Variants in CDC25C observed in about 807,000 individuals in gnomAD.
CDC25C encodes M-phase inducer phosphatase 3.
Under a neutral mutation model 52.5 loss-of-function variants are expected in CDC25C, and 48 were observed. The ratio of observed to expected loss-of-function variants is 0.91; its 90% CI spans 0.72 to 1.16. The LOEUF is 1.16. Ranked by LOEUF, CDC25C falls within the 50% of genes most tolerant of loss-of-function variation. The probability of loss-of-function intolerance (pLI) is 0.00; values close to 1 mark genes in which losing one functional copy is unlikely to be tolerated. For synonymous variants in CDC25C, 187 were observed against 206.5 expected (o/e 0.91, Z 0.81); for missense variants, 510 against 566.1 (o/e 0.90, Z 1.01).
chr5:138,314,199 G>A (rs1758691346), intron 7 of CDC25C, among the ~76,000 whole-genome samples: 2 of 151,570 alleles, frequency 1.3e-5, no homozygotes, highest in Admixed American at 6.6e-5. Flanking sequence ...GCTTCAACAT[G>A]TTGGTCAGGC....
chr5:138,305,818 T>C (rs991440748), intron 7 of CDC25C, among the ~76,000 whole-genome samples: 8 of 152,200 alleles, frequency 5.3e-5, no homozygotes, highest in Non-Finnish European at 1.0e-4. Flanking sequence ...AGGTGGCCAA[T>C]GGGAGACAGA....
intron 1 of CDC25C, chr5:138,337,950 G>A: frequency 7.8e-7 from 1 of 1,289,178 alleles, no homozygotes; most frequent in Non-Finnish European, 1.0e-6. Flanking sequence ...CGATGCCTTT[G>A]TTTACCTTCT....
chr5:138,309,761 G>A (rs1170754502), intron 7 of CDC25C, among the ~76,000 whole-genome samples: 1 of 144,402 alleles, frequency 6.9e-6, no homozygotes, highest in African/African-American at 2.5e-5. Context: ...TGTCACCCAG[G>A]CTGGAGTGCA....
Position 138,329,539 on chromosome 5 carries a change from T to G in CDC25C, c.289+14A>C. ...TATTCTTCCCTTTGAGGCCTTTATCTCCCTTCTCCCTACCAGTTTCATCAA... is the reference window on the plus strand; with the variant it reads ...TATTCTTCCCTTTGAGGCCTTTATCGCCCTTCTCCCTACCAGTTTCATCAA... On this transcript the variant is annotated intron_variant, in intron 3 of 13. Coordinates refer to ENST00000323760, the MANE Select transcript of CDC25C (RefSeq NM_001790.5). The G allele has an allele frequency of 6.6e-7, 1 of 1,522,934 alleles. No individual in the cohort carries two copies. The highest frequency in any genetic ancestry group is 9.1e-7 in the Non-Finnish European group (1 of 1,099,150). 94.3% of individuals were successfully genotyped at this position (1,522,934 alleles called of 1,614,324 possible). A position where few individuals can be genotyped will look rare whatever the true frequency, so the allele number is the denominator to read the frequency against.
intron 7 of CDC25C, among the ~76,000 whole-genome samples, chr5:138,315,372 T>C (rs529271592): frequency 4.3e-4 from 66 of 152,340 alleles, no homozygotes; most frequent in African/African-American, 1.5e-3. Flanking sequence ...TTCAGTACTG[T>C]CTGCAATTTT....
chr5:138,301,935 C>G (rs1449051439), intron 7 of CDC25C, among the ~76,000 whole-genome samples: 1 of 151,964 alleles, frequency 6.6e-6, no homozygotes, highest in East Asian at 1.9e-4. Context: ...AGCTCCTGAC[C>G]TCAGGTGATC....
rs757062901 is a variant in CDC25C at position 138,331,776 on chromosome 5, GGC to G, written c.-222_-221del. 103 of 961,636 alleles carry G rather than the reference GGC, an allele frequency of 1.1e-4. No individual in the cohort carries two copies. The highest frequency in any genetic ancestry group is 7.4e-4 in the Admixed American group (12 of 16,324). The allele number at this position is 961,636 out of a possible 1,614,324, so 59.6% of individuals were successfully genotyped here. A position where few individuals can be genotyped will look rare whatever the true frequency, so the allele number is the denominator to read the frequency against. ...GACTCAGAGTCTTCCCTGAGCAGAA[GGC>G]CAAAGTTACGGCCTCTGAGCAAGAA... is the stretch of plus-strand genomic sequence containing the variant. On this transcript the variant is annotated 5_prime_UTR_variant, in exon 1 of 14. Coordinates refer to ENST00000323760, the MANE Select transcript of CDC25C (RefSeq NM_001790.5).
At chr5:138,321,581 G>A (rs1387690677) in intron 6 of CDC25C, among the ~76,000 whole-genome samples, 2 of 151,494 alleles carry the variant, frequency 1.3e-5, no homozygotes, top group Non-Finnish European at 2.9e-5. Flanking sequence ...GTGAAACCCC[G>A]TCTCTACTAA....
intron 7 of CDC25C, among the ~76,000 whole-genome samples, chr5:138,313,001 T>C (rs911393448): frequency 1.3e-5 from 2 of 151,440 alleles, no homozygotes; most frequent in Non-Finnish European, 2.9e-5. Context: ...AGCAAACTCA[T>C]AGAGGGCAGA....
At chr5:138,303,526 A>G (rs1757784946) in intron 7 of CDC25C, among the ~76,000 whole-genome samples, 1 of 152,060 alleles carries the variant, frequency 6.6e-6, no homozygotes, top group South Asian at 2.1e-4. Context: ...GCTGTCCCAT[A>G]AACACGCCAA....
At chr5:138,311,177 A>G (rs1421606523) in intron 7 of CDC25C, among the ~76,000 whole-genome samples, 2 of 152,334 alleles carry the variant, frequency 1.3e-5, no homozygotes, top group East Asian at 1.9e-4. Flanking sequence ...ATTGTAGCCA[A>G]CACTGCTTTG....
chr5:138,292,257 C>G, intron 7 of CDC25C, 141 bp from the exon 8 acceptor site: 3 of 601,148 alleles, frequency 5.0e-6, no homozygotes, highest in Non-Finnish European at 8.2e-6. Context: ...GAATTAAAAT[C>G]TGCATTTTAA....
chr5:138,300,066 G>A (rs1349581178), intron 7 of CDC25C, among the ~76,000 whole-genome samples: 1 of 151,966 alleles, frequency 6.6e-6, no homozygotes, highest in Non-Finnish European at 1.5e-5. Flanking sequence ...CAGGTGTAGT[G>A]GTGTGCACCG....
intron 7 of CDC25C, among the ~76,000 whole-genome samples, chr5:138,313,379 C>CAAAAAAAAA (rs774904685): frequency 2.7e-5 from 1 of 37,070 alleles, no homozygotes; most frequent in African/African-American, 1.0e-4. Context: ...CTATATCTCA[C>CAAAAAAAAA]AAAAAAAAAA....
Position 138,319,201 on chromosome 5 carries a change from TACC to T in CDC25C, c.615+15_615+17del. 6.3e-7 allele frequency: 1 copy of T among 1,595,980 alleles called. No individual in the cohort carries two copies. The highest frequency in any genetic ancestry group is 8.6e-7 in the Non-Finnish European group (1 of 1,166,808). Reference sequence around the variant, plus strand: ...AGGAATATGAAGAATACAAAGATACTACCACAGAACACTTTACCTTTGCTTCTT... The same window carrying T: ...AGGAATATGAAGAATACAAAGATACTACAGAACACTTTACCTTTGCTTCTT... On this transcript the variant is annotated intron_variant, in intron 7 of 13. Coordinates refer to ENST00000323760, the MANE Select transcript of CDC25C (RefSeq NM_001790.5).
intron 7 of CDC25C, among the ~76,000 whole-genome samples, chr5:138,302,487 G>A (rs981891043): frequency 6.8e-6 from 1 of 147,854 alleles, no homozygotes; most frequent in Non-Finnish European, 1.5e-5. Context: ...ATCACCTAAG[G>A]TCGGGAGTTT....
chr5:138,327,213 C>A (rs1274904543), intron 4 of CDC25C, among the ~76,000 whole-genome samples: 1 of 151,358 alleles, frequency 6.6e-6, no homozygotes, highest in African/African-American at 2.4e-5. Context: ...CAAAATCGCA[C>A]CACTGCACTC....
chr5:138,292,902 C>A (rs1391591232), intron 7 of CDC25C, among the ~76,000 whole-genome samples: 8 of 152,176 alleles, frequency 5.3e-5, no homozygotes, highest in African/African-American at 1.9e-4. Flanking sequence ...GAGATCTCTA[C>A]CTCTCACCTA....
Position 138,325,824 on chromosome 5 carries a change from A to C in CDC25C, c.450T>G (p.Asn150Lys). 2 of 1,611,142 alleles carry C rather than the reference A, an allele frequency of 1.2e-6. No individual in the cohort carries two copies. The highest frequency in any genetic ancestry group is 1.7e-6 in the Non-Finnish European group (2 of 1,177,416). Reference sequence around the variant, plus strand: ...TCCATTAAACACTCACATTTTCTTTATTTGCAGATGAACTACACATTGCAT... The same window carrying C: ...TCCATTAAACACTCACATTTTCTTTCTTTGCAGATGAACTACACATTGCAT... The part of the protein sequence containing the change: ...KRDAMCSSSA[N>K]KENDNGNLVD... Residue 150 changes from asparagine (N) to lysine (K), a missense_variant, in exon 6 of 14, where the codon AAT (asparagine) becomes AAG (lysine). By Grantham distance (94) the Asn-to-Lys change is moderately conservative. Transcript: ENST00000323760.
Sources: allele counts gnomAD v4.1 joint callset (sites outside exome capture counted in the v4.1 genomes callset), GRCh38; gene constraint gnomAD v4.1.1; transcripts MANE v1.5; gene names NCBI Gene and HGNC (gene_info 2026-07-23, HGNC 2026-07-21).